RRAS2: variants seen among roughly 807,000 people sequenced by gnomAD.
RRAS2 encodes RAS related 2, also known as ras-related protein R-Ras2.
RRAS2 carries 7 observed loss-of-function variants against 27.6 expected under a neutral mutation model. The ratio of observed to expected loss-of-function variants is 0.25; its 90% CI spans 0.14 to 0.48. RRAS2 has a LOEUF of 0.48. RRAS2 is among the 20% of genes least tolerant of loss of function. The pLI is 0.99. For synonymous variants in RRAS2, 86 were observed against 90.9 expected (o/e 0.95, Z 0.31); for missense variants, 178 against 256.2 (o/e 0.69, Z 2.08).
At chr11:14,319,542 T>G (rs1023969164) in intron 1 of RRAS2, among the ~76,000 whole-genome samples, 16 of 151,490 alleles carry the variant, frequency 1.1e-4, no homozygotes, top group African/African-American at 3.6e-4. Context: ...GTATTTTTAG[T>G]AGAGACGGGG....
chr11:14,360,963 C>A (rs908146347), upstream of RRAS2, among the ~76,000 whole-genome samples: 1 of 151,920 alleles, frequency 6.6e-6, no homozygotes, highest in Non-Finnish European at 1.5e-5. Flanking sequence ...CCATCACTCC[C>A]GGCCCTTCTT....
chr11:14,286,292 G>A (rs1372606985), intron 4 of RRAS2, among the ~76,000 whole-genome samples: 1 of 152,058 alleles, frequency 6.6e-6, no homozygotes, highest in Non-Finnish European at 1.5e-5. Flanking sequence ...GGACTTTTAC[G>A]TATCAGGTAT....
chr11:14,302,897 T>C (rs1381975907), intron 1 of RRAS2, among the ~76,000 whole-genome samples: 2 of 152,094 alleles, frequency 1.3e-5, no homozygotes, highest in African/African-American at 4.8e-5. Context: ...GAAACTAGAG[T>C]AGCTCACTTA....
chr11:14,297,785 T>C (rs1479362865), intron 1 of RRAS2, among the ~76,000 whole-genome samples: 2 of 152,300 alleles, frequency 1.3e-5, no homozygotes, highest in East Asian at 3.9e-4. Flanking sequence ...TTTTTTAAAT[T>C]AAAATTAAAA....
chr11:14,361,079 C>T (rs1849185895), upstream of RRAS2, among the ~76,000 whole-genome samples: 1 of 152,060 alleles, frequency 6.6e-6, no homozygotes, highest in Non-Finnish European at 1.5e-5. Context: ...CGCTTGAGCC[C>T]AGGAGTTCCA....
intron 4 of RRAS2, among the ~76,000 whole-genome samples, chr11:14,283,820 A>C (rs1554944688): frequency 6.6e-6 from 1 of 152,068 alleles, no homozygotes; most frequent in Non-Finnish European, 1.5e-5. Flanking sequence ...AGTCTTGTCA[A>C]TTTGACTGAT....
At chr11:14,295,202 A>G (rs1847512762) in intron 2 of RRAS2, among the ~76,000 whole-genome samples, 1 of 152,206 alleles carries the variant, frequency 6.6e-6, no homozygotes, top group Admixed American at 6.5e-5. Flanking sequence ...AAAAAACTGA[A>G]AAAGATACCT....
intron 1 of RRAS2, among the ~76,000 whole-genome samples, chr11:14,306,917 G>A (rs545411907): frequency 7.3e-5 from 11 of 149,994 alleles, no homozygotes; most frequent in South Asian, 4.2e-4. Flanking sequence ...AAGGCCGGGC[G>A]CAGTGGCTCA....
intron 4 of RRAS2, among the ~76,000 whole-genome samples, chr11:14,291,784 G>C (rs903146913): frequency 6.6e-6 from 1 of 152,172 alleles, no homozygotes; most frequent in East Asian, 1.9e-4. Flanking sequence ...GATGGAAACT[G>C]CATACCACAT....
chr11:14,342,597 A>T (rs920227377), intron 1 of RRAS2, among the ~76,000 whole-genome samples: 2 of 152,224 alleles, frequency 1.3e-5, no homozygotes. Context: ...CTTATCAAAA[A>T]TACAAACCAA....
chr11:14,297,992 T>TAA (rs141304907), intron 1 of RRAS2, among the ~76,000 whole-genome samples: 59,196 of 143,202 alleles, frequency 0.41, 12,500 homozygotes, highest in Admixed American at 0.51. Context: ...TAACTAGCCT[T>TAA]AAAAAAAAAA....
At chr11:14,287,295 C>G (rs1849686183) in intron 4 of RRAS2, among the ~76,000 whole-genome samples, 1 of 151,980 alleles carries the variant, frequency 6.6e-6, no homozygotes, top group Admixed American at 6.6e-5. Context: ...TGCTTAGCAG[C>G]TAAAAAAGTA....
intron 4 of RRAS2, among the ~76,000 whole-genome samples, chr11:14,285,854 G>A (rs781797213): frequency 1.3e-5 from 2 of 151,940 alleles, no homozygotes; most frequent in Non-Finnish European, 2.9e-5. Flanking sequence ...CCCCCCGTCT[G>A]GCTATTTTTC....
intron 4 of RRAS2, among the ~76,000 whole-genome samples, chr11:14,292,308 T>C (rs187642010): frequency 6.6e-6 from 1 of 152,318 alleles, no homozygotes; most frequent in African/African-American, 2.4e-5. Context: ...CTAGGTCTCC[T>C]ACCTATTCCT....
upstream of RRAS2, among the ~76,000 whole-genome samples, chr11:14,360,339 G>A (rs1159685275): frequency 6.6e-6 from 1 of 152,064 alleles, no homozygotes; most frequent in Non-Finnish European, 1.5e-5. Flanking sequence ...ATGCAACTGC[G>A]TGAGAGACCC....
chr11:14,333,133 C>G (rs1270448127), intron 1 of RRAS2, among the ~76,000 whole-genome samples: 1 of 152,050 alleles, frequency 6.6e-6, no homozygotes, highest in Non-Finnish European at 1.5e-5. Context: ...CTTATGTCAT[C>G]ATATATATTT....
chr11:14,334,949 C>G (rs1398951401), intron 1 of RRAS2, among the ~76,000 whole-genome samples: 1 of 152,206 alleles, frequency 6.6e-6, no homozygotes, highest in African/African-American at 2.4e-5. Flanking sequence ...CCTCCATCAA[C>G]ATTTTTCTTG....
At chr11:14,284,000 G>C (rs1401431850) in intron 4 of RRAS2, among the ~76,000 whole-genome samples, 4 of 151,994 alleles carry the variant, frequency 2.6e-5, no homozygotes, top group African/African-American at 9.7e-5. Context: ...CACTCTGCCA[G>C]TTTTTCTTTC....
At chr11:14,349,743 C>G (rs1848911956) in intron 1 of RRAS2, among the ~76,000 whole-genome samples, 1 of 152,124 alleles carries the variant, frequency 6.6e-6, no homozygotes, top group South Asian at 2.1e-4. Flanking sequence ...ATCTTTTTGT[C>G]TTTATCCTGA....
Sources: gnomAD v4.1 joint callset for allele counts (sites outside exome capture counted in the v4.1 genomes callset) on GRCh38, gnomAD v4.1.1 for gene constraint, MANE v1.5 for transcripts, NCBI Gene and HGNC (gene_info 2026-07-23, HGNC 2026-07-21) for gene names.